SH3PXD2A: variants seen among roughly 807,000 people sequenced by gnomAD.
The protein encoded by SH3PXD2A is SH3 and PX domain-containing protein 2A.
In SH3PXD2A, 32 loss-of-function variants were observed where a neutral mutation model predicts 115.2. That is an observed-to-expected ratio of 0.28 (90% confidence interval 0.21 to 0.37). The LOEUF is 0.37. Among genes scored for constraint, SH3PXD2A ranks in the 10% least tolerant of loss-of-function variants. The probability of loss-of-function intolerance (pLI) is 1.00; values close to 1 mark genes in which losing one functional copy is unlikely to be tolerated. For missense variants in SH3PXD2A, 1,328 were observed against 1,498.7 expected (o/e 0.89, Z 1.88); for synonymous variants, 610 against 629.1 (o/e 0.97, Z 0.45).
intron 2 of SH3PXD2A, among the ~76,000 whole-genome samples, chr10:103,799,518 C>T (rs756598868): frequency 1.3e-5 from 2 of 152,264 alleles, no homozygotes; most frequent in Non-Finnish European, 2.9e-5. Flanking sequence ...CTTGCGTATC[C>T]CCTTTCCACA....
chr10:103,848,181 G>T (rs2134326961), intron 1 of SH3PXD2A, among the ~76,000 whole-genome samples: 1 of 145,950 alleles, frequency 6.9e-6, no homozygotes, highest in South Asian at 2.3e-4. Flanking sequence ...ACCCAAAGCA[G>T]CTGACACCTC....
intron 3 of SH3PXD2A, chr10:103,754,168 T>C (rs1257367921): frequency 6.6e-6 from 1 of 152,218 alleles, no homozygotes; most frequent in Non-Finnish European, 1.5e-5. Flanking sequence ...GAGCAAAATA[T>C]GCTCCTTTCA....
At chr10:103,824,267 G>A (rs981963591) in intron 1 of SH3PXD2A, among the ~76,000 whole-genome samples, 2 of 152,192 alleles carry the variant, frequency 1.3e-5, no homozygotes, top group Non-Finnish European at 2.9e-5. Context: ...GAAGGCATGA[G>A]GAAGGGCAGA....
chr10:103,847,565 C>A (rs1207495189), intron 1 of SH3PXD2A, among the ~76,000 whole-genome samples: 1 of 152,086 alleles, frequency 6.6e-6, no homozygotes, highest in African/African-American at 2.4e-5. Context: ...CTCAGGTGAT[C>A]CTCCCCACTT....
Position 103,602,528 on chromosome 10 carries a change from T to C in SH3PXD2A, c.2690A>G (p.Asp897Gly). 1 of 1,614,128 alleles carries C rather than the reference T, an allele frequency of 6.2e-7. No homozygotes were observed. Among genetic ancestry groups the C allele is most frequent in the Non-Finnish European group, 8.5e-7 (1 of 1,180,012 alleles). The part of the protein sequence containing the change: ...GWAPSHYLVL[D>G]ENEQPDPSGK... Reference sequence around the variant, plus strand: ...AGAGGGGTCAGGTTGCTCGTTCTCATCCAGCACCAAATAGTGGGAAGGGGC... The same window carrying C: ...AGAGGGGTCAGGTTGCTCGTTCTCACCCAGCACCAAATAGTGGGAAGGGGC... Residue 897 changes from aspartate to glycine, a missense_variant, in exon 15 of 15, where the codon GAT (aspartate) becomes GGT (glycine). By Grantham distance (94) the Asp-to-Gly change is moderately conservative. Coordinates refer to ENST00000369774, the MANE Select transcript of SH3PXD2A (RefSeq NM_001394015.1).
intron 4 of SH3PXD2A, among the ~76,000 whole-genome samples, chr10:103,734,409 CT>C (rs1411460995): frequency 6.6e-6 from 1 of 151,996 alleles, no homozygotes; most frequent in Admixed American, 6.6e-5. Context: ...TTAATAAAGC[CT>C]TTTCACCAGT....
chr10:103,854,387 GGAA>G (rs1842921707), intron 1 of SH3PXD2A, among the ~76,000 whole-genome samples: 1 of 152,150 alleles, frequency 6.6e-6, no homozygotes, highest in Non-Finnish European at 1.5e-5. Context: ...GTGAGGGATG[GGAA>G]GACAGGACCG....
At chr10:103,633,382 C>T (rs2036811739) in intron 8 of SH3PXD2A, among the ~76,000 whole-genome samples, 2 of 151,852 alleles carry the variant, frequency 1.3e-5, no homozygotes, top group Admixed American at 1.3e-4. Context: ...TGCCATTGCA[C>T]TCCAGCCTGG....
intron 8 of SH3PXD2A, among the ~76,000 whole-genome samples, chr10:103,640,440 G>T (rs1225642334): frequency 2.0e-5 from 3 of 152,164 alleles, no homozygotes; most frequent in African/African-American, 7.2e-5. Flanking sequence ...AAGGGTCTCA[G>T]CCTGGCACAC....
chr10:103,848,090 C>A lies in SH3PXD2A; in HGVS notation c.72+7105G>T, dbSNP rs137963026. 1.3e-3 allele frequency among the ~76,000 whole-genome samples: 198 copies of A among 152,282 alleles called. 1 individual carries two copies. The highest frequency in any genetic ancestry group is 4.5e-3 in the African/African-American group (189 of 41,548). On this transcript the variant is annotated intron_variant, in intron 1 of 14. Coordinates refer to ENST00000369774, the MANE Select transcript of SH3PXD2A (RefSeq NM_001394015.1). ...GAACCTACGAGGATGGGCGCATTCTCGCTCTTGCCACTGGGGGAGTGTGGA... is the reference window on the plus strand; with the variant it reads ...GAACCTACGAGGATGGGCGCATTCTAGCTCTTGCCACTGGGGGAGTGTGGA...
chr10:103,692,958 C>T, intron 6 of SH3PXD2A, 70 bp downstream of exon 6: 1 of 1,046,268 alleles, frequency 9.6e-7, no homozygotes, highest in Non-Finnish European at 1.5e-6. Context: ...AAGTCCTCTG[C>T]AGGATCGGAG....
At chr10:103,726,351 T>A (rs962461635) in intron 4 of SH3PXD2A, among the ~76,000 whole-genome samples, 1 of 152,162 alleles carries the variant, frequency 6.6e-6, no homozygotes, top group Non-Finnish European at 1.5e-5. Context: ...GAAATTCTCA[T>A]GAGGGTCGTC....
At chr10:103,812,677 C>T (rs1490749611) in intron 1 of SH3PXD2A, among the ~76,000 whole-genome samples, 1 of 152,182 alleles carries the variant, frequency 6.6e-6, no homozygotes, top group Admixed American at 6.5e-5. Context: ...CAGTCAGAGG[C>T]CAGCAGCCGC....
chr10:103,608,970 T>C (rs942000610), intron 13 of SH3PXD2A: 4 of 152,022 alleles, frequency 2.6e-5, no homozygotes, highest in African/African-American at 9.6e-5. Context: ...TGAGACCCCA[T>C]TTCTACCACA....
intron 13 of SH3PXD2A, among the ~76,000 whole-genome samples, chr10:103,608,430 GAAAAAAAAAAAAA>G (rs953168200): frequency 1.2e-5 from 1 of 85,328 alleles, no homozygotes; most frequent in Non-Finnish European, 2.4e-5. Context: ...TCCATGTCAA[GAAAAAAAAAAAAA>G]AAAAAAAGAA....
intron 2 of SH3PXD2A, among the ~76,000 whole-genome samples, chr10:103,794,432 G>C (rs771022283): frequency 6.6e-6 from 1 of 152,310 alleles, no homozygotes; most frequent in Non-Finnish European, 1.5e-5. Flanking sequence ...AGCAATTACT[G>C]TAGCCCAGCG....
chr10:103,846,929 C>T (rs1377090934), intron 1 of SH3PXD2A, among the ~76,000 whole-genome samples: 2 of 152,222 alleles, frequency 1.3e-5, no homozygotes, highest in African/African-American at 4.8e-5. Flanking sequence ...CTCTCTGAGC[C>T]TTTGTGCTGT....
Position 103,596,410 on chromosome 10 carries a change from A to G in SH3PXD2A, c.*5406T>C, listed in dbSNP as rs1238155709. The G allele has an allele frequency of 4.0e-5, 6 of 151,834 alleles. No individual in the cohort carries two copies. Among genetic ancestry groups the G allele is most frequent in the Non-Finnish European group, 5.9e-5 (4 of 67,970 alleles). 9.4% of individuals were successfully genotyped at this position (151,834 alleles called of 1,614,324 possible). On this transcript the variant is annotated 3_prime_UTR_variant, in exon 15 of 15. Transcript: ENST00000369774. ...AATGCCAGTGTGAAATTTCCAACTA[A>G]ATACTTAATAAAATAATTACAAAAA...
chr10:103,769,783 G>A (rs763107627), intron 2 of SH3PXD2A, among the ~76,000 whole-genome samples: 1 of 152,082 alleles, frequency 6.6e-6, no homozygotes, highest in Non-Finnish European at 1.5e-5. Flanking sequence ...ATAATTGCCT[G>A]CTATGTGTAA....
Sources: allele counts gnomAD v4.1 joint callset (sites outside exome capture counted in the v4.1 genomes callset), GRCh38; gene constraint gnomAD v4.1.1; transcripts MANE v1.5; gene names NCBI Gene and HGNC (gene_info 2026-07-23, HGNC 2026-07-21).